The following LOXL4 variants were observed in gnomAD, a reference collection of about 807,000 sequenced individuals.
The protein encoded by LOXL4 is lysyl oxidase like 4, also known as lysyl oxidase homolog 4.
A neutral mutation model predicts 89.1 loss-of-function variants in LOXL4; 72 were observed. That is an observed-to-expected ratio of 0.81 (90% confidence interval 0.67 to 0.98). The LOEUF (loss-of-function observed/expected upper bound fraction) is 0.98. LOXL4 is among the 50% of genes least tolerant of loss of function. The pLI is 0.00. For missense variants in LOXL4, 984 were observed against 1,017.5 expected (o/e 0.97, Z 0.45); for synonymous variants, 355 against 392.1 (o/e 0.91, Z 1.12).
chr10:98,252,089 A>T (rs1252577356), intron 12 of LOXL4: 3 of 510,840 alleles, frequency 5.9e-6, no homozygotes, highest in Non-Finnish European at 1.1e-5. Flanking sequence ...CTCAGCAGAG[A>T]TAGGACAGGT....
chr10:98,262,203 C>G lies in LOXL4; in HGVS notation c.288G>C (p.Trp96Cys), dbSNP rs369951896. The change falls in exon 3 of 15, where the codon TGG becomes TGC. Residue 96 changes from tryptophan (W) to cysteine (C), a missense_variant. Coordinates refer to ENST00000260702, the MANE Select transcript of LOXL4 (RefSeq NM_032211.7). ...TGCCCACACAGCGCACATTGTCCAGCCAGATGGGTCCTGTGGAGTGGAGGT... is the reference window on the plus strand; with the variant it reads ...TGCCCACACAGCGCACATTGTCCAGGCAGATGGGTCCTGTGGAGTGGAGGT... The part of the protein sequence containing the change: ...AKYGQGEGPI[W>C]LDNVRCVGTE... The G allele has an allele frequency of 1.2e-6, 2 of 1,613,454 alleles. No individual in the cohort carries two copies. Among genetic ancestry groups the G allele is most frequent in the Non-Finnish European group, 1.7e-6 (2 of 1,179,994 alleles).
At chr10:98,254,354 G>A (rs139645603) in intron 10 of LOXL4, among the ~76,000 whole-genome samples, 2 of 152,320 alleles carry the variant, frequency 1.3e-5, no homozygotes, top group Non-Finnish European at 2.9e-5. Context: ...AGTCCTGGGC[G>A]GAAGTGAGGC....
chr10:98,251,036 T>A, intron 14 of LOXL4, 29 bp downstream of exon 14: 1 of 1,522,454 alleles, frequency 6.6e-7, no homozygotes, highest in Non-Finnish European at 9.1e-7. Context: ...AGCCTATAGA[T>A]GGCTGATTCC....
intron 10 of LOXL4, 99 bp from the exon 11 acceptor site, chr10:98,253,895 C>T: frequency 6.9e-7 from 1 of 1,458,676 alleles, no homozygotes; most frequent in Non-Finnish European, 9.3e-7. Flanking sequence ...ATTAAACCCT[C>T]CGAGAGGACC....
intron 4 of LOXL4, among the ~76,000 whole-genome samples, chr10:98,260,096 CAGAACCATGACTGTGGCTGTCGTT>C (rs1314821803): frequency 6.6e-6 from 1 of 152,216 alleles, no homozygotes; most frequent in East Asian, 1.9e-4. Context: ...ACGGATCTGG[CAGAACCATGACTGTGGCTGTCGTT>C]TACTGGTTGA....
At position 98,262,812 on chromosome 10, in the gene LOXL4, C is replaced by T. The variant is rs751666836; in HGVS notation, c.208G>A (p.Ala70Thr). The T allele has an allele frequency of 1.2e-6, 2 of 1,613,688 alleles. No individual in the cohort carries two copies. The highest frequency in any genetic ancestry group is 1.7e-6 in the Non-Finnish European group (2 of 1,180,046). Residue 70 changes from alanine (A) to threonine (T), a missense_variant, in exon 2 of 15, where the codon GCT becomes ACT. Coordinates refer to ENST00000260702, the MANE Select transcript of LOXL4 (RefSeq NM_032211.7). ...DNFAIQEATV[A>T]CRQLGFEAAL... is the part of the protein sequence containing the mutation. ...GCTTCGAAGCCCAGCTGGCGGCAAG[C>T]CACTGTGGCCTCCTGGATAGCAAAG...
At chr10:98,258,581 T>C (rs181155363) in intron 6 of LOXL4, among the ~76,000 whole-genome samples, 1 of 152,088 alleles carries the variant, frequency 6.6e-6, no homozygotes, top group African/African-American at 2.4e-5. Context: ...GCCATCTCAG[T>C]GTGGCGCTGA....
intron 14 of LOXL4, among the ~76,000 whole-genome samples, chr10:98,250,270 A>C (rs1487280549): frequency 1.3e-5 from 2 of 152,090 alleles, no homozygotes; most frequent in Admixed American, 1.3e-4. Flanking sequence ...CTAGCCCCCA[A>C]CAGGTTGCTT....
intron 6 of LOXL4, 56 bp from the exon 7 acceptor site, chr10:98,258,220 G>T: frequency 6.5e-7 from 1 of 1,528,340 alleles, no homozygotes. Flanking sequence ...AGCAGGGGCT[G>T]AGCCCCCACA....
chr10:98,263,880 A>G, intron 1 of LOXL4, among the ~76,000 whole-genome samples: 1 of 151,636 alleles, frequency 6.6e-6, no homozygotes, highest in South Asian at 2.1e-4. Context: ...ACAGGCGCCC[A>G]CCACCACGCC....
Position 98,262,191 on chromosome 10 carries a change from C to A in LOXL4, c.300G>T (p.Val100=). 1.2e-6 allele frequency: 2 copies of A among 1,613,720 alleles called. No homozygotes were observed. Among genetic ancestry groups the A allele is most frequent in the Non-Finnish European group, 8.5e-7 (1 of 1,180,004 alleles). ...AGGAGCTCTCTGTGCCCACACAGCG[C>A]ACATTGTCCAGCCAGATGGGTCCTG... The part of the protein sequence containing the change: ...QGEGPIWLDN[V]RCVGTESSLD... Residue 100 remains valine (V), a synonymous_variant, in exon 3 of 15, where the codon GTG becomes GTT. Coordinates refer to ENST00000260702, the MANE Select transcript of LOXL4 (RefSeq NM_032211.7).
In LOXL4 at chr10:98,253,766, A is replaced by C. The variant is rs752841743; in HGVS notation, c.1622T>G (p.Leu541Arg). 4.3e-6 allele frequency: 7 copies of C among 1,614,014 alleles called. No homozygotes were observed. The East Asian group carries it at 1.6e-4, about 36-fold the overall frequency. The change falls in exon 11 of 15, where the codon CTA (leucine) becomes CGA (arginine). Residue 541 changes from leucine to arginine, a missense_variant. Coordinates refer to ENST00000260702, the MANE Select transcript of LOXL4 (RefSeq NM_032211.7). ...SAPDLVMNAQ[L>R]VQETAYLEDR... ...CTCCAAGTAGGCCGTCTCCTGCACT[A>C]GCTGGGCGTTCATCACCAGGTCTGG...
At chr10:98,257,437 G>A (rs1858410123) in intron 8 of LOXL4, among the ~76,000 whole-genome samples, 1 of 152,190 alleles carries the variant, frequency 6.6e-6, no homozygotes, top group Admixed American at 6.5e-5. Flanking sequence ...AGACGGGTAT[G>A]GGAGAGCACA....
In LOXL4 at chr10:98,253,534, T is replaced by C. The variant is rs1344434265; in HGVS notation, c.1835+19A>G. ...TTTGTTCCTAACCCTCTAGTGCCAA[T>C]GCATGGGCAGGCTCTAACCTGTGGC... is the stretch of plus-strand genomic sequence containing the variant. On this transcript the variant is annotated intron_variant, in intron 11 of 14. Transcript: ENST00000260702. The C allele has an allele frequency of 6.2e-7, 1 of 1,614,162 alleles. No homozygotes were observed. Among genetic ancestry groups the C allele is most frequent in the Admixed American group, 1.7e-5 (1 of 60,034 alleles).
chr10:98,261,199 T>C, intron 3 of LOXL4, 72 bp from the exon 4 acceptor site: 1 of 1,514,840 alleles, frequency 6.6e-7, no homozygotes, highest in South Asian at 1.1e-5. Flanking sequence ...CAGATCTTCA[T>C]GCAGAAAGGC....
At chr10:98,256,257 C>T (rs1249682328) in intron 9 of LOXL4, 1 of 187,612 alleles carries the variant, frequency 5.3e-6, no homozygotes, top group Non-Finnish European at 1.1e-5. Flanking sequence ...CCAGTCCAGC[C>T]TCATTTCTCA....
chr10:98,263,193 C>T, intron 1 of LOXL4, 142 bp from the exon 2 acceptor site: 1 of 611,384 alleles, frequency 1.6e-6, no homozygotes, highest in African/African-American at 1.8e-5. Flanking sequence ...CACACACACA[C>T]AGTGGCATTA....
In LOXL4 at chr10:98,253,642, C is replaced by T. The variant is rs1165270180; in HGVS notation, c.1746G>A (p.Leu582=). ...GATTGTAGATCTGTGTGGAGAAGCG[C>T]AATAGGCGGCGGTATCCGTAGGGCC... ...MDWPYGYRRL[L]RFSTQIYNLG... Residue 582 remains leucine (L), a synonymous_variant, in exon 11 of 15, where the codon TTG becomes TTA. Coordinates refer to ENST00000260702, the MANE Select transcript of LOXL4 (RefSeq NM_032211.7). 2 of 1,614,076 alleles carry T rather than the reference C, an allele frequency of 1.2e-6. No individual in the cohort carries two copies. The highest frequency in any genetic ancestry group is 1.7e-6 in the Non-Finnish European group (2 of 1,180,046).
rs753881004 is a variant in LOXL4 at position 98,253,685 on chromosome 10, G to A, written c.1703C>T (p.Ser568Phe). 6.2e-7 allele frequency: 1 copy of A among 1,614,284 alleles called. No homozygotes were observed. Among genetic ancestry groups the A allele is most frequent in the Non-Finnish European group, 8.5e-7 (1 of 1,180,056 alleles). ...CAHEENCLSK[S>F]ADHMDWPYGY... ...GTAGGGCCAGTCCATGTGATCCGCA[G>A]ACTTGGAGAGGCAGTTCTCCTCGTG... The change falls in exon 11 of 15, where the codon TCT becomes TTT. Residue 568 changes from serine (S) to phenylalanine (F), a missense_variant. Transcript: ENST00000260702.
Sources: gnomAD v4.1 joint callset for allele counts (sites outside exome capture counted in the v4.1 genomes callset) on GRCh38, gnomAD v4.1.1 for gene constraint, MANE v1.5 for transcripts, NCBI Gene and HGNC (gene_info 2026-07-23, HGNC 2026-07-21) for gene names.